Variants in MICU1 observed in about 807,000 individuals in gnomAD.
MICU1 encodes mitochondrial calcium uptake 1.
A neutral mutation model predicts 56.8 loss-of-function variants in MICU1; 45 were observed. The ratio of observed to expected loss-of-function variants is 0.79; its 90% CI spans 0.62 to 1.02. The LOEUF (loss-of-function observed/expected upper bound fraction) is 1.02. Ranked by LOEUF, MICU1 falls within the 50% of genes least tolerant of loss-of-function variation. The pLI is 0.00. For synonymous variants in MICU1, 186 were observed against 195.1 expected (o/e 0.95, Z 0.39); for missense variants, 504 against 587.1 (o/e 0.86, Z 1.46).
chr10:72,575,399 A>G (rs1307093604), intron 1 of MICU1, among the ~76,000 whole-genome samples: 1 of 152,246 alleles, frequency 6.6e-6, no homozygotes, highest in African/African-American at 2.4e-5. Flanking sequence ...AAAATGTTAC[A>G]CAGAAGCACA....
chr10:72,477,278 T>A lies in MICU1; in HGVS notation c.653-22A>T, dbSNP rs751568374. 6 of 1,505,996 alleles carry A rather than the reference T, an allele frequency of 4.0e-6. No homozygotes were observed. In the Admixed American group the frequency reaches 7.0e-5, roughly 17 times the overall value. 93.3% of individuals were successfully genotyped at this position (1,505,996 alleles called of 1,614,324 possible). Reference sequence around the variant, plus strand: ...GGAGCTGCAGAGGAGAGAAAAAAAATATTTAGAAGGCATTGACCAAAAATA... The same window carrying A: ...GGAGCTGCAGAGGAGAGAAAAAAAAAATTTAGAAGGCATTGACCAAAAATA... On this transcript the variant is annotated intron_variant, in intron 6 of 11. Coordinates refer to ENST00000361114, the MANE Select transcript of MICU1 (RefSeq NM_001195518.2).
intron 1 of MICU1, among the ~76,000 whole-genome samples, chr10:72,567,272 A>T (rs1193673657): frequency 6.6e-6 from 1 of 152,176 alleles, no homozygotes; most frequent in Admixed American, 6.5e-5. Flanking sequence ...TAAGCCCAGG[A>T]TGTTGAGGTG....
At chr10:72,502,445 C>T (rs1001997561) in intron 6 of MICU1, among the ~76,000 whole-genome samples, 2 of 152,120 alleles carry the variant, frequency 1.3e-5, no homozygotes, top group Admixed American at 6.6e-5. Flanking sequence ...TGTGAGCCAC[C>T]GCGCCCAGCC....
chr10:72,569,724 C>A (rs1840560399), intron 1 of MICU1, among the ~76,000 whole-genome samples: 1 of 152,060 alleles, frequency 6.6e-6, no homozygotes, highest in Admixed American at 6.6e-5. Context: ...TCATTTCGGG[C>A]ACCTCCATCC....
intron 5 of MICU1, among the ~76,000 whole-genome samples, chr10:72,511,880 C>T (rs1421940550): frequency 6.6e-6 from 1 of 152,106 alleles, no homozygotes; most frequent in Non-Finnish European, 1.5e-5. Context: ...TCTCCAGATC[C>T]CTAGCTGATT....
At chr10:72,455,833 T>G (rs1865442202) in intron 8 of MICU1, among the ~76,000 whole-genome samples, 1 of 151,516 alleles carries the variant, frequency 6.6e-6, no homozygotes, top group African/African-American at 2.4e-5. Context: ...AAAGCAATCC[T>G]AGGAGCCTTC....
chr10:72,435,765 G>A (rs975465231), intron 8 of MICU1, among the ~76,000 whole-genome samples: 2 of 152,366 alleles, frequency 1.3e-5, no homozygotes, highest in African/African-American at 2.4e-5. Flanking sequence ...CATGTCCCAC[G>A]CCCACGGAGC....
At chr10:72,378,053 C>T (rs1471107081) in intron 10 of MICU1, among the ~76,000 whole-genome samples, 4 of 152,102 alleles carry the variant, frequency 2.6e-5, no homozygotes, top group African/African-American at 9.7e-5. Context: ...AGTTCGAGAC[C>T]AGCCTGGCCA....
chr10:72,465,025 G>C (rs1345768773), intron 8 of MICU1, among the ~76,000 whole-genome samples: 1 of 152,164 alleles, frequency 6.6e-6, no homozygotes, highest in African/African-American at 2.4e-5. Flanking sequence ...TTTTGAGATG[G>C]AGTCTTGCTC....
At chr10:72,399,426 C>T (rs762636788) in intron 10 of MICU1, among the ~76,000 whole-genome samples, 3 of 151,914 alleles carry the variant, frequency 2.0e-5, no homozygotes, top group East Asian at 3.8e-4. Context: ...CAAACCTGCA[C>T]GTTGTGCACA....
intron 1 of MICU1, among the ~76,000 whole-genome samples, chr10:72,605,491 A>ACT (rs1841662130): frequency 6.6e-6 from 1 of 152,120 alleles, no homozygotes; most frequent in African/African-American, 2.4e-5. Flanking sequence ...TGCTCACTTT[A>ACT]CTCTATGCTT....
At chr10:72,539,172 G>A (rs77554326) in intron 4 of MICU1, among the ~76,000 whole-genome samples, 4,154 of 151,990 alleles carry the variant, frequency 0.027, 186 homozygotes, top group African/African-American at 0.096. Context: ...TTTCAGTAAC[G>A]GGCAGATCAT....
intron 10 of MICU1, among the ~76,000 whole-genome samples, chr10:72,406,080 A>G (rs915564920): frequency 6.6e-6 from 1 of 152,054 alleles, no homozygotes; most frequent in Non-Finnish European, 1.5e-5. Flanking sequence ...GATTATTTAC[A>G]TAGAAAAACC....
At chr10:72,623,639 C>G (rs1456620907) in intron 1 of MICU1, among the ~76,000 whole-genome samples, 1 of 152,040 alleles carries the variant, frequency 6.6e-6, no homozygotes, top group Non-Finnish European at 1.5e-5. Context: ...GTCAGGAGTT[C>G]GAGACTAGCC....
chr10:72,604,636 G>A (rs1841639877), intron 1 of MICU1, among the ~76,000 whole-genome samples: 1 of 151,254 alleles, frequency 6.6e-6, no homozygotes, highest in African/African-American at 2.4e-5. Context: ...TTTTTAAAAA[G>A]AATCTCCCTT....
At chr10:72,562,695 T>C (rs533242450) in intron 3 of MICU1, 200 bp downstream of exon 3, 17 of 407,466 alleles carry the variant, frequency 4.2e-5, no homozygotes, top group South Asian at 3.1e-4. Flanking sequence ...TCATGGTTAT[T>C]GGTCCTAGAT....
At chr10:72,526,987 G>GGTATAT (rs1460457213) in intron 5 of MICU1, among the ~76,000 whole-genome samples, 1 of 151,238 alleles carries the variant, frequency 6.6e-6, no homozygotes, top group Admixed American at 6.6e-5. Flanking sequence ...TGGTACTCAT[G>GGTATAT]GTATATGAAA....
chr10:72,430,544 C>T (rs1327222305), intron 8 of MICU1, among the ~76,000 whole-genome samples: 2 of 151,766 alleles, frequency 1.3e-5, no homozygotes, highest in South Asian at 2.1e-4. Context: ...TGCCCTGCCT[C>T]CCTTTTCTAG....
chr10:72,520,017 A>C (rs901580773), intron 5 of MICU1, among the ~76,000 whole-genome samples: 1 of 152,192 alleles, frequency 6.6e-6, no homozygotes, highest in Non-Finnish European at 1.5e-5. Flanking sequence ...ATTTTGCTAC[A>C]TTGCTGAAAT....
Sources: allele counts gnomAD v4.1 joint callset (sites outside exome capture counted in the v4.1 genomes callset), GRCh38; gene constraint gnomAD v4.1.1; transcripts MANE v1.5; gene names NCBI Gene and HGNC (gene_info 2026-07-23, HGNC 2026-07-21).